Variants in ANO4 observed in about 807,000 individuals in gnomAD.
ANO4 encodes the protein anoctamin-4.
ANO4 carries 69 observed loss-of-function variants against 141.9 expected under a neutral mutation model. The ratio of observed to expected loss-of-function variants is 0.49; its 90% CI spans 0.40 to 0.59. The LOEUF is 0.59. Ranked by LOEUF, ANO4 falls within the 20% of genes least tolerant of loss-of-function variation. The pLI, the probability that ANO4 is intolerant of heterozygous loss-of-function variation, is 0.00. For synonymous variants in ANO4, 350 were observed against 394.3 expected, an observed-to-expected ratio of 0.89 and a Z score of 1.33; for missense variants, 894 against 1,162.2, an observed-to-expected ratio of 0.77 and a Z score of 3.36.
intron 9 of ANO4, among the ~76,000 whole-genome samples, chr12:101,022,257 T>C (rs1394974415): frequency 6.6e-6 from 1 of 152,196 alleles, no homozygotes; most frequent in East Asian, 1.9e-4. Flanking sequence ...TTTCTCTGCA[T>C]TAGTCATCCT....
At chr12:101,125,849 G>T (rs2051292839) in intron 26 of ANO4, among the ~76,000 whole-genome samples, 1 of 150,268 alleles carries the variant, frequency 6.7e-6, no homozygotes. Flanking sequence ...TTGGCCTGAA[G>T]TTTTTTTGTT....
chr12:100,877,459 A>G (rs934771412), intron 1 of ANO4, among the ~76,000 whole-genome samples: 1 of 151,462 alleles, frequency 6.6e-6, no homozygotes, highest in African/African-American at 2.4e-5. Context: ...AGCAGAGTCT[A>G]TGGGTTCCAG....
rs1455738960 is a variant in ANO4 at position 100,994,730 on chromosome 12, C to T, written c.734+7060C>T. ...ACATATGTTTAAATATATATTCACTCATCCACGTATTCCATACCAGTTGTT... is the reference window on the plus strand; with the variant it reads ...ACATATGTTTAAATATATATTCACTTATCCACGTATTCCATACCAGTTGTT... On this transcript the variant is annotated intron_variant, in intron 8 of 27. Coordinates refer to ENST00000392977, the MANE Select transcript of ANO4 (RefSeq NM_001286615.2). Among the ~76,000 whole-genome samples the T allele has an allele frequency of 2.0e-5, 3 of 152,280 alleles. No individual in the cohort carries two copies. The East Asian group carries it at 5.8e-4, about 29-fold the overall frequency.
chr12:100,785,913 A>G (rs1030397459), intron 3 of ANO4, among the ~76,000 whole-genome samples: 10 of 152,336 alleles, frequency 6.6e-5, no homozygotes, highest in Admixed American at 6.5e-5. Context: ...TATAAAAGGA[A>G]AAATTCATCC....
intron 1 of ANO4, among the ~76,000 whole-genome samples, chr12:100,842,411 ATG>A (rs112263464): frequency 8.7e-5 from 13 of 149,370 alleles, no homozygotes; most frequent in East Asian, 4.0e-4. Flanking sequence ...GTGTATGTGT[ATG>A]TGTGTGTGTG....
intron 5 of ANO4, among the ~76,000 whole-genome samples, chr12:100,953,676 G>C (rs990841067): frequency 1.3e-5 from 2 of 152,204 alleles, no homozygotes; most frequent in Non-Finnish European, 2.9e-5. Context: ...ATACTGGGAA[G>C]GAGTCACTAT....
intron 9 of ANO4, among the ~76,000 whole-genome samples, chr12:101,032,080 T>C (rs947980226): frequency 6.6e-6 from 1 of 152,184 alleles, no homozygotes; most frequent in Non-Finnish European, 1.5e-5. Flanking sequence ...TAGAAAAAGC[T>C]ACTTTAAATT....
intron 1 of ANO4, among the ~76,000 whole-genome samples, chr12:100,861,608 T>C (rs1207625049): frequency 6.6e-6 from 1 of 152,222 alleles, no homozygotes; most frequent in African/African-American, 2.4e-5. Flanking sequence ...CATTACCATA[T>C]ACTACTGTAG....
At chr12:100,991,369 G>A (rs969110849) in intron 8 of ANO4, among the ~76,000 whole-genome samples, 37 of 152,116 alleles carry the variant, frequency 2.4e-4, no homozygotes, top group African/African-American at 7.9e-4. Context: ...GATATTCCTG[G>A]CTTTCCAAAT....
chr12:100,881,898 A>T (rs896130228), intron 1 of ANO4, among the ~76,000 whole-genome samples: 1 of 152,188 alleles, frequency 6.6e-6, no homozygotes, highest in African/African-American at 2.4e-5. Context: ...TGCCTTTAGA[A>T]AGGCTCAGAT....
At chr12:101,100,899 C>A (rs2050162208) in intron 22 of ANO4, among the ~76,000 whole-genome samples, 1 of 152,208 alleles carries the variant, frequency 6.6e-6, no homozygotes, top group Non-Finnish European at 1.5e-5. Flanking sequence ...AATTTACACA[C>A]AAATGTAACC....
At chr12:100,896,669 C>G (rs1449497187) in intron 1 of ANO4, among the ~76,000 whole-genome samples, 2 of 152,024 alleles carry the variant, frequency 1.3e-5, no homozygotes, top group African/African-American at 4.8e-5. Flanking sequence ...CCTTTGGGAA[C>G]AGGAACAGAA....
intron 14 of ANO4, chr12:101,068,455 C>T: frequency 1.1e-6 from 1 of 921,002 alleles, no homozygotes; most frequent in Admixed American, 1.7e-5. Flanking sequence ...CCCATGAAGC[C>T]TTTCTTTAGT....
At chr12:100,950,940 T>C (rs1461845660) in intron 5 of ANO4, among the ~76,000 whole-genome samples, 1 of 152,194 alleles carries the variant, frequency 6.6e-6, no homozygotes, top group Non-Finnish European at 1.5e-5. Context: ...AGAGAACAAG[T>C]ACACATTGGA....
At chr12:100,880,615 A>G (rs1253641936) in intron 1 of ANO4, among the ~76,000 whole-genome samples, 1 of 152,208 alleles carries the variant, frequency 6.6e-6, no homozygotes, top group Non-Finnish European at 1.5e-5. Flanking sequence ...TTAAATCCAA[A>G]CAGCAGCATG....
intron 1 of ANO4, among the ~76,000 whole-genome samples, chr12:100,852,851 C>A (rs1331449417): frequency 6.6e-6 from 1 of 152,124 alleles, no homozygotes; most frequent in Non-Finnish European, 1.5e-5. Context: ...CAAACTAAAA[C>A]TGTCAGTTAC....
In ANO4 at chr12:100,984,432, C is replaced by A. The variant is rs376633845; in HGVS notation, c.603-3107C>A. Among the ~76,000 whole-genome samples the A allele has an allele frequency of 9.9e-5, 15 of 152,246 alleles. No homozygotes were observed. In the East Asian group the frequency reaches 2.7e-3, roughly 27 times the overall value. On this transcript the variant is annotated intron_variant, in intron 7 of 27. Transcript: ENST00000392977. Reference sequence around the variant, plus strand: ...CCACAGTTTTTTAAAAAGCCCAGTTCCTTTGCTTTCCATCACTTTTATGTT... The same window carrying A: ...CCACAGTTTTTTAAAAAGCCCAGTTACTTTGCTTTCCATCACTTTTATGTT...
In ANO4 at chr12:100,772,468, G is replaced by A. The variant is rs57675255; in HGVS notation, c.358+32363G>A. 2.9e-3 allele frequency among the ~76,000 whole-genome samples: 434 copies of A among 152,084 alleles called. 16 individuals carry two copies. The East Asian group carries it at 0.071, about 25-fold the overall frequency. ...TTGTCCTTCAAAACCCAACACAGAC[G>A]ACATGTGATTCCCAGGGAGTCCATG... On this transcript the variant is annotated intron_variant, in intron 3 of 29. Transcript: ENST00000644049.
chr12:100,761,661 A>AT (rs973700809), intron 3 of ANO4, among the ~76,000 whole-genome samples: 109 of 152,330 alleles, frequency 7.2e-4, no homozygotes, highest in African/African-American at 2.5e-3. Context: ...CATAAACCAC[A>AT]TTGCCTGCAC....
Sources: allele counts gnomAD v4.1 joint callset (sites outside exome capture counted in the v4.1 genomes callset), GRCh38; gene constraint gnomAD v4.1.1; transcripts MANE v1.5; gene names NCBI Gene and HGNC (gene_info 2026-07-23, HGNC 2026-07-21).